The following CEACAM5 variants were observed in gnomAD, a reference collection of about 807,000 sequenced individuals.
CEACAM5 encodes cell adhesion molecule CEACAM5.
A neutral mutation model predicts 63.0 loss-of-function variants in CEACAM5; 52 were observed. That is an observed-to-expected ratio of 0.83 (90% CI 0.66 to 1.04). The LOEUF is 1.04. Ranked by LOEUF, CEACAM5 falls within the 50% of genes least tolerant of loss-of-function variation. CEACAM5 has a pLI of 0.00. For missense variants in CEACAM5, 790 were observed against 864.8 expected (o/e 0.91, Z 1.08); for synonymous variants, 357 against 351.3 (o/e 1.02, Z -0.18).
chr19:41,717,337 T>G, intron 4 of CEACAM5, 118 bp from the exon 5 acceptor site: 35 of 1,095,254 alleles, frequency 3.2e-5, no homozygotes, highest in Middle Eastern at 2.1e-4. Context: ...ACACCTGCCA[T>G]GAGCTTTTAA....
intron 3 of CEACAM5, 176 bp downstream of exon 3, chr19:41,715,425 TA>T: frequency 1.7e-6 from 2 of 1,166,698 alleles, no homozygotes; most frequent in Non-Finnish European, 2.5e-6. Context: ...TGACCAAGAA[TA>T]GGAGGGGAGG....
rs373711386 is a variant in CEACAM5 at position 41,715,840 on chromosome 19, G to A, written c.894G>A (p.Thr298=). 17 of 1,614,000 alleles carry A rather than the reference G, an allele frequency of 1.1e-5. No individual in the cohort carries two copies. Among genetic ancestry groups the A allele is most frequent in the Admixed American group, 1.7e-5 (1 of 59,996 alleles). Reference sequence around the variant, plus strand: ...CTGTGAATAATAGTGGATCCTATACGTGCCAAGCCCATAACTCAGACACTG... The same window carrying A: ...CTGTGAATAATAGTGGATCCTATACATGCCAAGCCCATAACTCAGACACTG... ...NITVNNSGSY[T]CQAHNSDTGL... is the part of the protein sequence containing the mutation. The change falls in exon 4 of 10, where the codon ACG becomes ACA. Residue 298 remains threonine, a synonymous_variant. Coordinates refer to ENST00000221992, the MANE Select transcript of CEACAM5 (RefSeq NM_004363.6).
At position 41,715,393 on chromosome 19, in the gene CEACAM5, A is replaced by AAAACCT. The variant is rs782276257; in HGVS notation, c.703+145_703+150dup. The AAAACCT allele has an allele frequency of 4.5e-6, 6 of 1,345,998 alleles. No individual in the cohort carries two copies. The East Asian group carries it at 1.4e-4, about 32-fold the overall frequency. The allele number at this position is 1,345,998 out of a possible 1,614,324, so 83.4% of individuals were successfully genotyped here. On this transcript the variant is annotated intron_variant, in intron 3 of 9. Coordinates refer to ENST00000221992, the MANE Select transcript of CEACAM5 (RefSeq NM_004363.6). ...ACTGTCTGTGACTTTCTGCCCCAGA[A>AAAACCT]AAACCTGGGCAGACCAAGTCTTGAC... is the stretch of plus-strand genomic sequence containing the variant.
intron 8 of CEACAM5, among the ~76,000 whole-genome samples, chr19:41,726,922 G>A (rs562770049): frequency 6.6e-6 from 1 of 152,230 alleles, no homozygotes; most frequent in Non-Finnish European, 1.5e-5. Context: ...CTGAGACACT[G>A]AGAAAAAGAT....
At chr19:41,709,007 G>T (rs1292651683) in intron 1 of CEACAM5, among the ~76,000 whole-genome samples, 2 of 152,234 alleles carry the variant, frequency 1.3e-5, no homozygotes, top group Admixed American at 1.3e-4. Flanking sequence ...CTAGTTAATT[G>T]TCACTGGCCA....
Position 41,715,891 on chromosome 19 carries a change from G to T in CEACAM5, c.945G>T (p.Thr315=). The change falls in exon 4 of 10, where the codon ACG becomes ACT. Residue 315 remains threonine (T), a synonymous_variant. Transcript: ENST00000221992. The part of the protein sequence containing the change: ...DTGLNRTTVT[T]ITVYAEPPKP... ...GCCTCAATAGGACCACAGTCACGAC[G>T]ATCACAGTCTATGGTAAGTGGATCC... The T allele has an allele frequency of 6.2e-7, 1 of 1,613,978 alleles. No individual in the cohort carries two copies. Among genetic ancestry groups the T allele is most frequent in the South Asian group, 1.1e-5 (1 of 91,064 alleles).
Position 41,709,747 on chromosome 19 carries a change from T to C in CEACAM5, c.132T>C (p.Asn44=). The change falls in exon 2 of 10, where the codon AAT becomes AAC. Residue 44 remains asparagine, a synonymous_variant. Transcript: ENST00000221992. The part of the protein sequence containing the change: ...AKLTIESTPF[N]VAEGKEVLLL... ...TCACTATTGAATCCACGCCGTTCAATGTCGCAGAGGGGAAGGAGGTGCTTC... is the reference window on the plus strand; with the variant it reads ...TCACTATTGAATCCACGCCGTTCAACGTCGCAGAGGGGAAGGAGGTGCTTC... 1 of 1,614,142 alleles carries C rather than the reference T, an allele frequency of 6.2e-7. No homozygotes were observed. The highest frequency in any genetic ancestry group is 8.5e-7 in the Non-Finnish European group (1 of 1,179,998).
chr19:41,720,850 G>C, intron 7 of CEACAM5, 72 bp from the exon 8 acceptor site: 1 of 1,559,730 alleles, frequency 6.4e-7, no homozygotes, highest in Non-Finnish European at 8.8e-7. Flanking sequence ...GGGACACTGT[G>C]GCCCTTCTAC....
chr19:41,715,110 T>C lies in CEACAM5; in HGVS notation c.564T>C (p.Ser188=), dbSNP rs2072498768. ...WWVNNQSLPV[S]PRLQLSNGNR... ...TAAACAATCAGAGCCTCCCGGTCAG[T>C]CCCAGGCTGCAGCTGTCCAATGGCA... Residue 188 remains serine (S), a synonymous_variant, in exon 3 of 10, where the codon AGT becomes AGC. Coordinates refer to ENST00000221992, the MANE Select transcript of CEACAM5 (RefSeq NM_004363.6). The C allele has an allele frequency of 1.9e-6, 3 of 1,614,020 alleles. No individual in the cohort carries two copies. Among genetic ancestry groups the C allele is most frequent in the Non-Finnish European group, 2.5e-6 (3 of 1,180,022 alleles).
chr19:41,718,175 C>T lies in CEACAM5; in HGVS notation c.1285C>T (p.Pro429Ser). Reference sequence around the variant, plus strand: ...TTCCCCCTCATACACCTATTACCGTCCAGGGGTGAACCTCAGCCTCTCCTG... The same window carrying T: ...TTCCCCCTCATACACCTATTACCGTTCAGGGGTGAACCTCAGCCTCTCCTG... ...TISPSYTYYRPGVNLSLSCHA... is the reference protein window; with the variant it reads ...TISPSYTYYRSGVNLSLSCHA... Residue 429 changes from proline (P) to serine (S), a missense_variant, in exon 6 of 10, where the codon CCA becomes TCA. By Grantham distance (74) the Pro-to-Ser change is moderately conservative. Coordinates refer to ENST00000221992, the MANE Select transcript of CEACAM5 (RefSeq NM_004363.6). 2 of 1,614,210 alleles carry T rather than the reference C, an allele frequency of 1.2e-6. No individual in the cohort carries two copies. The highest frequency in any genetic ancestry group is 2.2e-5 in the South Asian group (2 of 91,078).
intron 6 of CEACAM5, among the ~76,000 whole-genome samples, chr19:41,719,275 C>A (rs1414040024): frequency 6.6e-6 from 1 of 152,222 alleles, no homozygotes; most frequent in Non-Finnish European, 1.5e-5. Context: ...TTTAACCTTT[C>A]TATGTATGCA....
In CEACAM5 at chr19:41,730,350, A is replaced by G. The variant is rs2072754026; in HGVS notation, c.*1203A>G. On this transcript the variant is annotated 3_prime_UTR_variant, in exon 10 of 10. Coordinates refer to ENST00000221992, the MANE Select transcript of CEACAM5 (RefSeq NM_004363.6). ...GGCAGGAGAACGGCATGAACCCGGG[A>G]GGCAGGGCTTGCAGTGAGCCAAGAT... Among the ~76,000 whole-genome samples, 4 of 151,150 alleles carry G rather than the reference A, an allele frequency of 2.6e-5. No homozygotes were observed. Among genetic ancestry groups the G allele is most frequent in the African/African-American group, 9.8e-5 (4 of 40,988 alleles).
intron 5 of CEACAM5, 115 bp from the exon 6 acceptor site, chr19:41,718,013 T>A: frequency 4.6e-6 from 6 of 1,305,842 alleles, no homozygotes; most frequent in Non-Finnish European, 6.4e-6. Flanking sequence ...AGGGGTTTGG[T>A]TAGGACTTCA....
intron 8 of CEACAM5, among the ~76,000 whole-genome samples, chr19:41,725,219 A>AT (rs1430399275): frequency 7.2e-5 from 11 of 152,166 alleles, no homozygotes; most frequent in African/African-American, 2.2e-4. Flanking sequence ...GGCCTATTAA[A>AT]TTTTTTTGTG....
chr19:41,708,902 G>A (rs1437491648), intron 1 of CEACAM5, 107 bp downstream of exon 1: 1 of 747,156 alleles, frequency 1.3e-6, no homozygotes, highest in Non-Finnish European at 2.2e-6. Flanking sequence ...CCTGAATAGG[G>A]AAGAGGACAT....
chr19:41,727,115 C>G (rs2072710913), intron 8 of CEACAM5, 119 bp from the exon 9 acceptor site: 1 of 806,738 alleles, frequency 1.2e-6, no homozygotes, highest in Admixed American at 1.8e-5. Context: ...AAAACTAATG[C>G]ATTCCTTGAA....
chr19:41,718,107 G>A, intron 5 of CEACAM5, 21 bp from the exon 6 acceptor site: 1 of 1,613,548 alleles, frequency 6.2e-7, no homozygotes, highest in South Asian at 1.1e-5. Flanking sequence ...TTCACCTGTG[G>A]CCCTATTCTC....
chr19:41,722,388 A>G (rs1016388473), intron 8 of CEACAM5, among the ~76,000 whole-genome samples: 2 of 151,932 alleles, frequency 1.3e-5, no homozygotes, highest in Non-Finnish European at 2.9e-5. Flanking sequence ...AAAGGAAAAA[A>G]TAAATCAAGT....
At chr19:41,727,607 C>T (rs142617566) in intron 9 of CEACAM5, among the ~76,000 whole-genome samples, 3 of 152,274 alleles carry the variant, frequency 2.0e-5, no homozygotes, top group African/African-American at 7.2e-5. Context: ...ATTGTCAAAG[C>T]CTCTTGGTCC....
Sources: allele counts gnomAD v4.1 joint callset (sites outside exome capture counted in the v4.1 genomes callset), GRCh38; gene constraint gnomAD v4.1.1; transcripts MANE v1.5; gene names NCBI Gene and HGNC (gene_info 2026-07-23, HGNC 2026-07-21).